Variants in RALGAPA2 observed in about 807,000 individuals in gnomAD.
The protein encoded by RALGAPA2 is Ral GTPase activating protein catalytic subunit alpha 2, also known as ral GTPase-activating protein subunit alpha-2.
Under a neutral mutation model 230.4 loss-of-function variants are expected in RALGAPA2, and 139 were observed. The ratio of observed to expected loss-of-function variants is 0.60; its 90% CI spans 0.53 to 0.69. The LOEUF is 0.69. Ranked by LOEUF, RALGAPA2 falls within the 30% of genes least tolerant of loss-of-function variation. The pLI is 0.00. For synonymous variants in RALGAPA2, 847 were observed against 837.8 expected (o/e 1.01, Z -0.19); for missense variants, 2,163 against 2,276.0 (o/e 0.95, Z 1.01).
chr20:20,643,662 G>A (rs977325020), intron 4 of RALGAPA2, 113 bp from the exon 5 acceptor site: 1 of 1,027,172 alleles, frequency 9.7e-7, no homozygotes. Flanking sequence ...ATAAAAGGAA[G>A]AAGGCTGACC....
intron 23 of RALGAPA2, among the ~76,000 whole-genome samples, chr20:20,563,822 G>A (rs1371487796): frequency 2.0e-5 from 3 of 151,454 alleles, no homozygotes; most frequent in African/African-American, 4.8e-5. Flanking sequence ...CTCACACACA[G>A]ACAAACACAC....
At chr20:20,502,883 G>T (rs1299434987) in intron 35 of RALGAPA2, among the ~76,000 whole-genome samples, 1 of 152,170 alleles carries the variant, frequency 6.6e-6, no homozygotes, top group Non-Finnish European at 1.5e-5. Flanking sequence ...GAAAGTAAAG[G>T]CCAAGTTCCC....
chr20:20,396,330 C>T (rs539033402), intron 39 of RALGAPA2, among the ~76,000 whole-genome samples: 12 of 152,294 alleles, frequency 7.9e-5, no homozygotes, highest in South Asian at 2.1e-4. Flanking sequence ...CGTGTCTTAT[C>T]GGCCCATCTC....
intron 20 of RALGAPA2, among the ~76,000 whole-genome samples, chr20:20,574,743 G>C (rs2064765198): frequency 1.3e-5 from 2 of 152,002 alleles, no homozygotes; most frequent in Non-Finnish European, 2.9e-5. Context: ...CTTCTTCTCA[G>C]GCCCTTTTTA....
chr20:20,424,169 T>C (rs997033775), intron 37 of RALGAPA2, among the ~76,000 whole-genome samples: 4 of 152,194 alleles, frequency 2.6e-5, no homozygotes, highest in African/African-American at 7.2e-5. Context: ...TCCCAGGGGA[T>C]TGATTTGTGA....
At chr20:20,585,007 T>A in intron 18 of RALGAPA2, 52 bp from the exon 19 acceptor site, 3 of 1,268,120 alleles carry the variant, frequency 2.4e-6, no homozygotes, top group Non-Finnish European at 3.3e-6. Context: ...TTCATTGTTA[T>A]AAGACTTAAG....
intron 37 of RALGAPA2, 60 bp downstream of exon 37, chr20:20,472,769 C>G: frequency 6.5e-7 from 1 of 1,546,060 alleles, no homozygotes. Flanking sequence ...TTATGAAAAA[C>G]TGCCAGGAAT....
Position 20,495,247 on chromosome 20 carries a change from T to G in RALGAPA2, c.5237A>C (p.His1746Pro). 1 of 1,553,828 alleles carries G rather than the reference T, an allele frequency of 6.4e-7. No homozygotes were observed. The highest frequency in any genetic ancestry group is 2.3e-5 in the East Asian group (1 of 43,648). The change falls in exon 36 of 40, where the codon CAT becomes CCT. Residue 1746 changes from histidine to proline, a missense_variant. Coordinates refer to ENST00000202677, the MANE Select transcript of RALGAPA2 (RefSeq NM_020343.4). ...TCTGGAGTGTTCAGACCAGACGATATGGACCTCGTCATTCCCCAAGTGACG... is the reference window on the plus strand; with the variant it reads ...TCTGGAGTGTTCAGACCAGACGATAGGGACCTCGTCATTCCCCAAGTGACG... Reference protein sequence around the residue: ...KLRHLGNDEVHIVWSEHSRDY... With the variant: ...KLRHLGNDEVPIVWSEHSRDY...
chr20:20,537,437 T>C (rs1053085002), intron 24 of RALGAPA2, among the ~76,000 whole-genome samples: 1 of 151,858 alleles, frequency 6.6e-6, no homozygotes, highest in African/African-American at 2.4e-5. Flanking sequence ...CTGGCCAACA[T>C]GGTGAAACCT....
intron 37 of RALGAPA2, among the ~76,000 whole-genome samples, chr20:20,435,734 A>G (rs558494361): frequency 1.3e-5 from 2 of 152,312 alleles, no homozygotes; most frequent in African/African-American, 4.8e-5. Flanking sequence ...AGTGTGGTGA[A>G]AAGAGGTGGC....
chr20:20,500,107 G>C (rs903600881), intron 35 of RALGAPA2, among the ~76,000 whole-genome samples: 3 of 152,182 alleles, frequency 2.0e-5, no homozygotes, highest in Non-Finnish European at 4.4e-5. Flanking sequence ...TCAGTGAGTT[G>C]TAGTCTTTTT....
At chr20:20,505,278 T>C in intron 34 of RALGAPA2, 133 bp downstream of exon 34, 1 of 1,238,418 alleles carries the variant, frequency 8.1e-7, no homozygotes, top group Non-Finnish European at 1.0e-6. Context: ...ATCCAATAAA[T>C]TCTTCAATTC....
chr20:20,676,319 G>A, intron 2 of RALGAPA2, 31 bp from the exon 3 acceptor site: 2 of 1,458,736 alleles, frequency 1.4e-6, no homozygotes, highest in East Asian at 4.6e-5. Context: ...TAGTTATCAT[G>A]ACATCATTTA....
chr20:20,687,324 T>G (rs1231342466), intron 1 of RALGAPA2, among the ~76,000 whole-genome samples: 2 of 152,216 alleles, frequency 1.3e-5, no homozygotes, highest in Non-Finnish European at 2.9e-5. Flanking sequence ...TAGGCTAATA[T>G]GATTCTGGCG....
intron 14 of RALGAPA2, among the ~76,000 whole-genome samples, chr20:20,607,123 G>A (rs1193165565): frequency 6.6e-6 from 1 of 152,118 alleles, no homozygotes; most frequent in Non-Finnish European, 1.5e-5. Context: ...ATTCTTCTTT[G>A]CGTAGGTGAG....
intron 24 of RALGAPA2, among the ~76,000 whole-genome samples, chr20:20,541,258 C>G (rs2063635242): frequency 6.6e-6 from 1 of 151,934 alleles, no homozygotes; most frequent in Non-Finnish European, 1.5e-5. Flanking sequence ...GGATACATTC[C>G]AAGACCCCCT....
At chr20:20,607,448 T>C (rs1351445891) in intron 14 of RALGAPA2, among the ~76,000 whole-genome samples, 1 of 152,084 alleles carries the variant, frequency 6.6e-6, no homozygotes, top group Non-Finnish European at 1.5e-5. Context: ...TTGGTAAAAC[T>C]AAAAATATGA....
At chr20:20,412,181 T>C in intron 37 of RALGAPA2, 33 bp from the exon 38 acceptor site, 1 of 1,611,890 alleles carries the variant, frequency 6.2e-7, no homozygotes, top group East Asian at 2.2e-5. Context: ...CAAGTGCACG[T>C]GCAAAGTGGC....
At chr20:20,685,602 T>C (rs1373481331) in intron 1 of RALGAPA2, among the ~76,000 whole-genome samples, 2 of 151,784 alleles carry the variant, frequency 1.3e-5, no homozygotes, top group African/African-American at 2.4e-5. Context: ...CATAACTGAG[T>C]GGTACAAAGG....
Sources: gnomAD v4.1 joint callset for allele counts (sites outside exome capture counted in the v4.1 genomes callset) on GRCh38, gnomAD v4.1.1 for gene constraint, MANE v1.5 for transcripts, NCBI Gene and HGNC (gene_info 2026-07-23, HGNC 2026-07-21) for gene names.